Variants in CMSS1 observed in about 807,000 individuals in gnomAD.
CMSS1 encodes the protein cms1 ribosomal small subunit homolog.
A neutral mutation model predicts 43.5 loss-of-function variants in CMSS1; 33 were observed. The observed-to-expected ratio is 0.76, with a 90% CI of 0.57 to 1.01. The LOEUF is 1.01. CMSS1 is among the 50% of genes least tolerant of loss of function. The pLI, the probability that CMSS1 is intolerant of heterozygous loss-of-function variation, is 0.00. For synonymous variants in CMSS1, 115 were observed against 117.2 expected (o/e 0.98, Z 0.12); for missense variants, 313 against 326.4 (o/e 0.96, Z 0.32).
At position 100,013,261 on chromosome 3, in the gene CMSS1, T is replaced by TTGTTG. The variant is rs1559725244; in HGVS notation, c.65-133712_65-133711insTGTTG. Among the ~76,000 whole-genome samples the TTGTTG allele has an allele frequency of 3.4e-4, 45 of 132,142 alleles. No individual in the cohort carries two copies. In the East Asian group the frequency reaches 0.01, roughly 30 times the overall value. 86.7% of individuals were successfully genotyped at this position (132,142 alleles called of 152,430 possible). ...TGTTGTTGTTGTTGTTGTTGTTGTTTGAGATGGAGTCTTGCTCTGTCACCC... is the reference window on the plus strand; with the variant it reads ...TGTTGTTGTTGTTGTTGTTGTTGTTTTGTTGGAGATGGAGTCTTGCTCTGTCACCC... On this transcript the variant is annotated intron_variant, in intron 1 of 9. Coordinates refer to ENST00000421999, the MANE Select transcript of CMSS1 (RefSeq NM_032359.4).
At chr3:99,995,690 C>T (rs1709657494) in intron 1 of CMSS1, among the ~76,000 whole-genome samples, 1 of 152,246 alleles carries the variant, frequency 6.6e-6, no homozygotes. Context: ...GGCAGAGGTT[C>T]CCAAACCCCA....
Position 100,073,492 on chromosome 3 carries a change from G to T in CMSS1, c.65-73481G>T, listed in dbSNP as rs528059701. On this transcript the variant is annotated intron_variant, in intron 1 of 9. Transcript: ENST00000421999. ...GGGGTAGAGGAGATTGCAGGGAATTGTAGGCTTAGGTCAAGAAAACAGAAA... is the reference window on the plus strand; with the variant it reads ...GGGGTAGAGGAGATTGCAGGGAATTTTAGGCTTAGGTCAAGAAAACAGAAA... Among the ~76,000 whole-genome samples, 5 of 152,294 alleles carry T rather than the reference G, an allele frequency of 3.3e-5. No homozygotes were observed. The South Asian group carries it at 1.0e-3, about 32-fold the overall frequency.
At chr3:100,037,939 C>CT (rs150366639) in intron 1 of CMSS1, among the ~76,000 whole-genome samples, 4,899 of 118,168 alleles carry the variant, frequency 0.041, 185 homozygotes, top group South Asian at 0.1. Flanking sequence ...AATCGCTTTT[C>CT]TTTTTTTTTT....
At chr3:100,117,051 A>C (rs2107487663) in intron 1 of CMSS1, among the ~76,000 whole-genome samples, 1 of 152,324 alleles carries the variant, frequency 6.6e-6, no homozygotes, top group East Asian at 1.9e-4. Flanking sequence ...CATGGAAACA[A>C]AAGTTTATAA....
At chr3:100,069,835 G>C (rs1007276728) in intron 1 of CMSS1, among the ~76,000 whole-genome samples, 1 of 152,130 alleles carries the variant, frequency 6.6e-6, no homozygotes, top group Non-Finnish European at 1.5e-5. Context: ...TTTGCCCTAC[G>C]AGAGGGAGCT....
intron 1 of CMSS1, among the ~76,000 whole-genome samples, chr3:99,824,228 T>C (rs1029756167): frequency 2.0e-5 from 3 of 152,166 alleles, no homozygotes; most frequent in African/African-American, 7.2e-5. Context: ...GCCAGCTGGC[T>C]CTGTCTTAAC....
At position 99,841,645 on chromosome 3, in the gene CMSS1, C is replaced by T. The variant is rs138413823; in HGVS notation, c.64+23602C>T. Reference sequence around the variant, plus strand: ...CCTTTAAAGAGCTGAACAAAACAGGCGCAATCCCATCATAAAAATGGGCTA... The same window carrying T: ...CCTTTAAAGAGCTGAACAAAACAGGTGCAATCCCATCATAAAAATGGGCTA... On this transcript the variant is annotated intron_variant, in intron 1 of 9. Transcript: ENST00000421999. 7.6e-4 allele frequency among the ~76,000 whole-genome samples: 116 copies of T among 152,102 alleles called. 1 individual carries two copies. Among genetic ancestry groups the T allele is most frequent in the African/African-American group, 2.5e-3 (104 of 41,492 alleles).
At chr3:100,054,415 G>A (rs750960215) in intron 1 of CMSS1, among the ~76,000 whole-genome samples, 2 of 152,100 alleles carry the variant, frequency 1.3e-5, no homozygotes, top group African/African-American at 2.4e-5. Flanking sequence ...TGGCTGTCCC[G>A]TCAAGTGGAG....
intron 1 of CMSS1, among the ~76,000 whole-genome samples, chr3:99,956,599 G>A (rs1341313398): frequency 1.3e-5 from 2 of 152,090 alleles, no homozygotes; most frequent in Non-Finnish European, 2.9e-5. Flanking sequence ...CACCTGCCTC[G>A]GCCTTCCAAA....
intron 1 of CMSS1, among the ~76,000 whole-genome samples, chr3:99,996,976 A>G (rs1709704476): frequency 6.6e-6 from 1 of 152,218 alleles, no homozygotes; most frequent in Admixed American, 6.5e-5. Flanking sequence ...AACATGCCTT[A>G]ACCTATGGTA....
intron 1 of CMSS1, among the ~76,000 whole-genome samples, chr3:99,872,610 A>T (rs189757870): frequency 3.2e-4 from 49 of 151,976 alleles, no homozygotes; most frequent in African/African-American, 1.2e-3. Flanking sequence ...AAGCTTGTTT[A>T]AAAAAAATTC....
chr3:100,138,899 T>C (rs2066778516), intron 1 of CMSS1, among the ~76,000 whole-genome samples: 1 of 152,172 alleles, frequency 6.6e-6, no homozygotes, highest in African/African-American at 2.4e-5. Flanking sequence ...ACGCGTATGT[T>C]TATTGCAGCA....
intron 1 of CMSS1, among the ~76,000 whole-genome samples, chr3:99,993,761 T>C (rs1216769772): frequency 6.6e-6 from 1 of 152,228 alleles, no homozygotes; most frequent in Non-Finnish European, 1.5e-5. Context: ...ATTCTGTTGA[T>C]GTGACATATC....
intron 1 of CMSS1, among the ~76,000 whole-genome samples, chr3:100,050,169 G>A (rs2065345930): frequency 6.6e-6 from 1 of 152,098 alleles, no homozygotes; most frequent in Admixed American, 6.5e-5. Context: ...TTATTTACCA[G>A]CATTTCTGGT....
chr3:100,124,846 T>C (rs2066650657), intron 1 of CMSS1, among the ~76,000 whole-genome samples: 1 of 151,948 alleles, frequency 6.6e-6, no homozygotes, highest in African/African-American at 2.4e-5. Context: ...GTCAATGGTT[T>C]ATAAATTGAT....
intron 1 of CMSS1, among the ~76,000 whole-genome samples, chr3:100,017,190 T>C (rs1319605538): frequency 5.9e-5 from 9 of 152,248 alleles, no homozygotes; most frequent in Non-Finnish European, 2.9e-5. Context: ...TGTCTGTATC[T>C]GATTATCAAT....
chr3:100,109,159 T>C (rs1422172109), intron 1 of CMSS1, among the ~76,000 whole-genome samples: 2 of 151,942 alleles, frequency 1.3e-5, no homozygotes, highest in African/African-American at 2.4e-5. Flanking sequence ...TAAATCAAGG[T>C]GGTTGGACTC....
intron 1 of CMSS1, among the ~76,000 whole-genome samples, chr3:100,089,984 TC>T (rs1223420557): frequency 6.6e-6 from 1 of 152,178 alleles, no homozygotes; most frequent in East Asian, 1.9e-4. Context: ...ACACTCATCT[TC>T]CCTACTCCCC....
At chr3:100,129,835 T>G (rs1352621443) in intron 1 of CMSS1, among the ~76,000 whole-genome samples, 1 of 152,224 alleles carries the variant, frequency 6.6e-6, no homozygotes, top group African/African-American at 2.4e-5. Context: ...CTAAAGTCAT[T>G]ATTACTATAA....
Sources: allele counts gnomAD v4.1 joint callset (sites outside exome capture counted in the v4.1 genomes callset), GRCh38; gene constraint gnomAD v4.1.1; transcripts MANE v1.5; gene names NCBI Gene and HGNC (gene_info 2026-07-23, HGNC 2026-07-21).